Variants in CIDEA observed in about 807,000 individuals in gnomAD.
The protein encoded by CIDEA is cell death inducing DFFA like effector a.
In CIDEA, 10 loss-of-function variants were observed where a neutral mutation model predicts 18.2. The ratio of observed to expected loss-of-function variants is 0.55; its 90% CI spans 0.34 to 0.93. CIDEA has a LOEUF of 0.93. CIDEA is among the 40% of genes least tolerant of loss of function. The pLI is 0.02. For missense variants in CIDEA, 309 were observed against 293.1 expected (o/e 1.05, Z -0.40); for synonymous variants, 128 against 124.8 (o/e 1.03, Z -0.17).
intron 3 of CIDEA, 41 bp from the exon 4 acceptor site, chr18:12,274,052 A>G: frequency 6.2e-7 from 1 of 1,607,692 alleles, no homozygotes; most frequent in South Asian, 1.1e-5. Context: ...TGGGAGGGTT[A>G]GGAAGGCTCC....
intron 3 of CIDEA, among the ~76,000 whole-genome samples, chr18:12,273,103 T>C (rs1912596717): frequency 6.6e-6 from 1 of 152,202 alleles, no homozygotes; most frequent in South Asian, 2.1e-4. Context: ...AATTAGAGGC[T>C]ACAACTGGAA....
chr18:12,256,379 T>A (rs1912035282), intron 1 of CIDEA, among the ~76,000 whole-genome samples: 2 of 152,196 alleles, frequency 1.3e-5, no homozygotes, highest in African/African-American at 2.4e-5. Flanking sequence ...TGCACAAAAA[T>A]TTTTAAAAAT....
chr18:12,260,175 TTTTGTTTGTTTGTTTGTTTG>T (rs144412869), intron 1 of CIDEA, among the ~76,000 whole-genome samples: 3,101 of 150,948 alleles, frequency 0.021, 108 homozygotes, highest in African/African-American at 0.072. Context: ...TTGGTCTGTT[TTTTGTTTGTTTGTTTGTTTG>T]TTTGTTTGTT....
chr18:12,268,380 G>GTT (rs11461529), intron 3 of CIDEA, among the ~76,000 whole-genome samples: 3,275 of 136,226 alleles, frequency 0.024, 132 homozygotes, highest in African/African-American at 0.081. Flanking sequence ...GCCCCCAGTG[G>GTT]TTTTTTTTTT....
chr18:12,257,988 C>T (rs780313380), intron 1 of CIDEA, among the ~76,000 whole-genome samples: 8 of 152,290 alleles, frequency 5.3e-5, no homozygotes, highest in Middle Eastern at 3.4e-3. Flanking sequence ...CAGAACATCT[C>T]ATTCAACCCC....
chr18:12,259,066 G>A (rs1912117604), intron 1 of CIDEA, among the ~76,000 whole-genome samples: 1 of 152,216 alleles, frequency 6.6e-6, no homozygotes, highest in Non-Finnish European at 1.5e-5. Flanking sequence ...TAATCGAGGT[G>A]ACAGTTCAGA....
chr18:12,267,888 T>G (rs1912395644), intron 3 of CIDEA, among the ~76,000 whole-genome samples: 1 of 152,164 alleles, frequency 6.6e-6, no homozygotes, highest in South Asian at 2.1e-4. Flanking sequence ...TCTGAAGACA[T>G]GTTAGGCTGT....
intron 3 of CIDEA, among the ~76,000 whole-genome samples, chr18:12,264,691 C>A (rs999372478): frequency 6.6e-6 from 1 of 152,072 alleles, no homozygotes; most frequent in African/African-American, 2.4e-5. Context: ...GTAGCTGGGA[C>A]TACAGGCACC....
intron 1 of CIDEA, chr18:12,254,858 C>T (rs759060117): frequency 7.5e-7 from 1 of 1,331,640 alleles, no homozygotes; most frequent in Non-Finnish European, 1.0e-6. Context: ...GAAATCACAA[C>T]GGGAGCTGGG....
Position 12,263,100 on chromosome 18 carries a change from C to A in CIDEA, c.183+131C>A, listed in dbSNP as rs73413090. 5.2e-3 allele frequency: 4,636 copies of A among 898,544 alleles called. 155 individuals are homozygous for A. In the African/African-American group the frequency reaches 0.071, roughly 14 times the overall value. The allele number at this position is 898,544 out of a possible 1,614,324, so 55.7% of individuals were successfully genotyped here. A position where few individuals can be genotyped will look rare whatever the true frequency, so the allele number is the denominator to read the frequency against. On this transcript the variant is annotated intron_variant, in intron 2 of 4. Coordinates refer to ENST00000320477, the MANE Select transcript of CIDEA (RefSeq NM_001279.4). ...AAAGCAGCATCTCACTGGGGGGAAA[C>A]GGGGAGAGAAATTGGGAATGACTGC... is the stretch of plus-strand genomic sequence containing the variant.
intron 1 of CIDEA, among the ~76,000 whole-genome samples, chr18:12,262,387 G>T (rs778250573): frequency 3.3e-5 from 5 of 152,028 alleles, no homozygotes; most frequent in Non-Finnish European, 7.4e-5. Context: ...TTGATTTCTG[G>T]CTTACCCTTA....
chr18:12,271,194 C>T (rs993675174), intron 3 of CIDEA, among the ~76,000 whole-genome samples: 13 of 149,948 alleles, frequency 8.7e-5, no homozygotes, highest in Non-Finnish European at 1.3e-4. Context: ...CCCAGGCGGC[C>T]GGACAGACGC....
intron 3 of CIDEA, among the ~76,000 whole-genome samples, chr18:12,267,496 T>C (rs563675760): frequency 2.6e-5 from 4 of 152,264 alleles, no homozygotes; most frequent in African/African-American, 9.6e-5. Flanking sequence ...TCCTCAAACT[T>C]TATCTCAGGA....
intron 3 of CIDEA, among the ~76,000 whole-genome samples, chr18:12,264,848 C>T (rs889583792): frequency 2.0e-5 from 3 of 152,230 alleles, no homozygotes; most frequent in African/African-American, 7.2e-5. Context: ...CCACCGCGCC[C>T]GGCCAACTTC....
rs917399634 is a variant in CIDEA at position 12,277,328 on chromosome 18, C to T, written c.*58C>T. ...CACTGTGTTTCGTTTGGCTCAATGA[C>T]GAATGTTGAAGATGCTTTTATGTTC... On this transcript the variant is annotated 3_prime_UTR_variant, in exon 5 of 5. Coordinates refer to ENST00000320477, the MANE Select transcript of CIDEA (RefSeq NM_001279.4). The T allele has an allele frequency of 6.9e-6, 11 of 1,591,036 alleles. No individual in the cohort carries two copies. The East Asian group carries it at 1.1e-4, about 16-fold the overall frequency.
chr18:12,277,255 G>A lies in CIDEA; in HGVS notation c.645G>A (p.Arg215=), dbSNP rs144324050. 4 of 1,614,102 alleles carry A rather than the reference G, an allele frequency of 2.5e-6. No homozygotes were observed. The highest frequency in any genetic ancestry group is 3.4e-6 in the Non-Finnish European group (4 of 1,180,012). Residue 215 remains arginine (R), a synonymous_variant, in exon 5 of 5, where the codon AGG becomes AGA. Coordinates refer to ENST00000320477, the MANE Select transcript of CIDEA (RefSeq NM_001279.4). The stretch of plus-strand genomic sequence containing the variant: ...CCCTCCGGTCACAAGCCAAGGGCAG[G>A]TTCACGTGTGGATAGGGATGCAGGC... The part of the protein sequence containing the change: ...RPSLRSQAKG[R]FTCG
rs200131366 is a variant in CIDEA at position 12,262,872 on chromosome 18, C to G, written c.86C>G (p.Pro29Arg). The G allele has an allele frequency of 2.5e-6, 4 of 1,614,198 alleles. 1 individual carries two copies. In the Admixed American group the frequency reaches 5.0e-5, roughly 20 times the overall value. ...GSQTKRVLFTPLMHPARPFRV... is the reference protein window; with the variant it reads ...GSQTKRVLFTRLMHPARPFRV... ...CAGACTAAGCGAGTCCTGTTCACCC[C>G]GCTCATGCATCCAGCTCGCCCTTTC... Residue 29 changes from proline to arginine, a missense_variant, in exon 2 of 5, where the codon CCG becomes CGG. Transcript: ENST00000320477.
At chr18:12,269,494 C>T (rs1598780011) in intron 3 of CIDEA, among the ~76,000 whole-genome samples, 1 of 152,280 alleles carries the variant, frequency 6.6e-6, no homozygotes, top group African/African-American at 2.4e-5. Flanking sequence ...AAGTTGGCCT[C>T]CTCTGTTACA....
chr18:12,260,522 G>C (rs1393212429), intron 1 of CIDEA, among the ~76,000 whole-genome samples: 1 of 152,104 alleles, frequency 6.6e-6, no homozygotes, highest in Non-Finnish European at 1.5e-5. Context: ...AATTTGGTAA[G>C]TCATTGAATT....
Sources: allele counts gnomAD v4.1 joint callset (sites outside exome capture counted in the v4.1 genomes callset), GRCh38; gene constraint gnomAD v4.1.1; transcripts MANE v1.5; gene names NCBI Gene and HGNC (gene_info 2026-07-23, HGNC 2026-07-21).